CHD6: variants seen among roughly 807,000 people sequenced by gnomAD.
CHD6 encodes ATP-dependent chromatin remodeler CHD6.
In CHD6, 50 loss-of-function variants were observed where a neutral mutation model predicts 276.9. That is an observed-to-expected ratio of 0.18 (90% CI 0.14 to 0.23). The LOEUF is 0.23. CHD6 is among the 10% of genes least tolerant of loss of function. The pLI, the probability that CHD6 is intolerant of heterozygous loss-of-function variation, is 1.00. For synonymous variants in CHD6, 1,173 were observed against 1,229.3 expected (o/e 0.95, Z 0.96); for missense variants, 2,564 against 3,365.8 (o/e 0.76, Z 5.89).
intron 23 of CHD6, among the ~76,000 whole-genome samples, chr20:41,449,492 G>C (rs983053283): frequency 6.6e-6 from 1 of 152,134 alleles, no homozygotes; most frequent in African/African-American, 2.4e-5. Flanking sequence ...AAAGCCAATA[G>C]TATTCAATTC....
At chr20:41,438,928 C>G (rs1290545561) in intron 26 of CHD6, among the ~76,000 whole-genome samples, 1 of 152,220 alleles carries the variant, frequency 6.6e-6, no homozygotes, top group Non-Finnish European at 1.5e-5. Context: ...ATGCACTGCA[C>G]ACTTTTCTTG....
In CHD6 at chr20:41,533,319, T is replaced by C; in HGVS notation, c.285A>G (p.Lys95=). The C allele has an allele frequency of 6.2e-7, 1 of 1,614,078 alleles. No homozygotes were observed. Among genetic ancestry groups the C allele is most frequent in the Middle Eastern group, 1.6e-4 (1 of 6,062 alleles). ...GGTCTCCTGGCTCCTTTTTCTTCCGTTTCTTCTTCACTCCAGTACCTCCTC... is the reference window on the plus strand; with the variant it reads ...GGTCTCCTGGCTCCTTTTTCTTCCGCTTCTTCTTCACTCCAGTACCTCCTC... ...SGGGGTGVKK[K]RKKKEPGDQE... The change falls in exon 3 of 37, where the codon AAA becomes AAG. Residue 95 remains lysine, a synonymous_variant. Transcript: ENST00000373233.
chr20:41,610,471 T>C (rs747105201), intron 1 of CHD6, among the ~76,000 whole-genome samples: 1 of 152,098 alleles, frequency 6.6e-6, no homozygotes, highest in Non-Finnish European at 1.5e-5. Context: ...TTCATAAAGT[T>C]AATTGATAGG....
At chr20:41,491,387 T>C (rs978615947) in intron 11 of CHD6, among the ~76,000 whole-genome samples, 1 of 150,650 alleles carries the variant, frequency 6.6e-6, no homozygotes, top group Non-Finnish European at 1.5e-5. Context: ...GTTAAGGATT[T>C]AGAAATAGAA....
At chr20:41,602,816 G>T (rs1380786031) in intron 1 of CHD6, among the ~76,000 whole-genome samples, 1 of 152,032 alleles carries the variant, frequency 6.6e-6, no homozygotes, top group Admixed American at 6.5e-5. Flanking sequence ...TGAGTAGCAG[G>T]ATCTACAGGT....
chr20:41,571,081 C>T (rs1262940812), intron 1 of CHD6, among the ~76,000 whole-genome samples: 26 of 152,044 alleles, frequency 1.7e-4, no homozygotes, highest in Admixed American at 1.7e-3. Context: ...ATCATTAACT[C>T]CTATATGGGA....
chr20:41,555,322 C>T (rs1471021970), intron 1 of CHD6, among the ~76,000 whole-genome samples: 4 of 144,748 alleles, frequency 2.8e-5, no homozygotes, highest in South Asian at 4.4e-4. Flanking sequence ...GGCAGAGGCG[C>T]CCCTCACCTC....
At chr20:41,571,389 ATT>A (rs11373605) in intron 1 of CHD6, among the ~76,000 whole-genome samples, 15 of 129,944 alleles carry the variant, frequency 1.2e-4, no homozygotes, top group Admixed American at 1.5e-4. Context: ...CTGGCCATTA[ATT>A]TTTTTTTTTT....
chr20:41,560,193 C>CA (rs1189681394), intron 1 of CHD6, among the ~76,000 whole-genome samples: 1 of 152,170 alleles, frequency 6.6e-6, no homozygotes, highest in Non-Finnish European at 1.5e-5. Flanking sequence ...CAAACAAAAT[C>CA]AGATGCTATC....
intron 2 of CHD6, chr20:41,547,445 T>C (rs2045064054): frequency 3.8e-6 from 1 of 263,394 alleles, no homozygotes; most frequent in African/African-American, 2.2e-5. Flanking sequence ...TTGACCCCAA[T>C]GAGATTAGAG....
intron 1 of CHD6, among the ~76,000 whole-genome samples, chr20:41,591,053 C>T (rs1190368922): frequency 6.6e-6 from 1 of 151,808 alleles, no homozygotes; most frequent in Non-Finnish European, 1.5e-5. Flanking sequence ...GAGTTCATGT[C>T]CTTTGTAGGG....
intron 3 of CHD6, among the ~76,000 whole-genome samples, chr20:41,520,214 C>G (rs2044355545): frequency 6.6e-6 from 1 of 152,190 alleles, no homozygotes; most frequent in South Asian, 2.1e-4. Flanking sequence ...CACTTTTACA[C>G]TGTTGGTGGG....
At chr20:41,584,232 T>C (rs2045569422) in intron 1 of CHD6, among the ~76,000 whole-genome samples, 1 of 152,104 alleles carries the variant, frequency 6.6e-6, no homozygotes, top group Non-Finnish European at 1.5e-5. Flanking sequence ...GAAATAAATA[T>C]TGAAAGCAAT....
chr20:41,418,078 T>C (rs1165886197), intron 31 of CHD6, among the ~76,000 whole-genome samples: 1 of 152,218 alleles, frequency 6.6e-6, no homozygotes, highest in Non-Finnish European at 1.5e-5. Context: ...AATGTGGCTA[T>C]TTCACTTCTC....
At chr20:41,508,396 G>A (rs1380955195) in intron 5 of CHD6, among the ~76,000 whole-genome samples, 3 of 152,070 alleles carry the variant, frequency 2.0e-5, no homozygotes, top group South Asian at 2.1e-4. Context: ...CTTGGATTTC[G>A]TGAGCAGGAG....
chr20:41,498,359 A>G, intron 6 of CHD6, 133 bp from the exon 7 acceptor site: 1 of 699,174 alleles, frequency 1.4e-6, no homozygotes. Context: ...TCATTTTCCC[A>G]GGCCTTTTCC....
At chr20:41,411,606 T>C (rs939397240) in intron 36 of CHD6, among the ~76,000 whole-genome samples, 13 of 152,206 alleles carry the variant, frequency 8.5e-5, no homozygotes, top group African/African-American at 2.9e-4. Flanking sequence ...TACTAATCTG[T>C]AAACTATAAT....
chr20:41,426,976 G>T (rs999258943), intron 27 of CHD6, among the ~76,000 whole-genome samples: 1 of 152,132 alleles, frequency 6.6e-6, no homozygotes, highest in Admixed American at 6.5e-5. Context: ...ACAACCTCAG[G>T]ATTCAAGACT....
chr20:41,405,561 GGGCTC>G, intron 36 of CHD6, 72 bp from the exon 37 acceptor site: 1 of 1,237,194 alleles, frequency 8.1e-7, no homozygotes, highest in Non-Finnish European at 1.1e-6. Context: ...GTGATGACCA[GGGCTC>G]TGCACTGGCC....
Sources: gnomAD v4.1 joint callset for allele counts (sites outside exome capture counted in the v4.1 genomes callset) on GRCh38, gnomAD v4.1.1 for gene constraint, MANE v1.5 for transcripts, NCBI Gene and HGNC (gene_info 2026-07-23, HGNC 2026-07-21) for gene names.